The following PSTPIP1 variants were observed in gnomAD, a reference collection of about 807,000 sequenced individuals.
The protein encoded by PSTPIP1 is proline-serine-threonine phosphatase interacting protein 1.
In PSTPIP1, 66 loss-of-function variants were observed where a neutral mutation model predicts 69.6. The observed-to-expected ratio is 0.95, with a 90% CI of 0.78 to 1.16. PSTPIP1 has a LOEUF of 1.16. PSTPIP1 is among the 50% of genes most tolerant of loss of function. The probability of loss-of-function intolerance (pLI) is 0.00; values close to 1 mark genes in which losing one functional copy is unlikely to be tolerated. For synonymous variants in PSTPIP1, 266 were observed against 222.7 expected (o/e 1.19, Z -1.73); for missense variants, 603 against 557.4 (o/e 1.08, Z -0.82).
intron 8 of PSTPIP1, 52 bp from the exon 9 acceptor site, chr15:77,030,450 G>A (rs975691010): frequency 6.4e-7 from 1 of 1,571,672 alleles, no homozygotes; most frequent in African/African-American, 1.3e-5. Flanking sequence ...CTGGAGTACA[G>A]GGGTGGAGGA....
chr15:77,018,122 A>T (rs1389194240), intron 1 of PSTPIP1, 26 bp from the exon 2 acceptor site: 1 of 1,558,176 alleles, frequency 6.4e-7, no homozygotes, highest in Non-Finnish European at 8.7e-7. Flanking sequence ...CGTGGCCCTC[A>T]TGTGTCCTTC....
chr15:77,025,566 G>T lies in PSTPIP1; in HGVS notation c.316G>T (p.Glu106Ter). ...CCTGCGTGAGGAGCTGCGGAGTCTC[G>T]AGGAGTTTCGTGAGAGGCAGAAGGA... Reference protein sequence around the residue: ...LTLREELRSLEEFRERQKEQR... With the variant: ...LTLREELRSL Residue 106 changes from glutamate (E) to a stop codon, truncating the protein, a stop_gained, in exon 5 of 15, where the codon GAG becomes TAG. Coordinates refer to ENST00000558012, the MANE Select transcript of PSTPIP1 (RefSeq NM_003978.5). LOFTEE classifies it high-confidence loss of function. 6.4e-7 allele frequency: 1 copy of T among 1,552,926 alleles called. No homozygotes were observed. The highest frequency in any genetic ancestry group is 8.7e-7 in the Non-Finnish European group (1 of 1,147,640).
At chr15:77,028,441 C>T in intron 6 of PSTPIP1, 113 bp from the exon 7 acceptor site, 1 of 875,798 alleles carries the variant, frequency 1.1e-6, no homozygotes, top group Non-Finnish European at 1.7e-6. Context: ...TGCCCCCACT[C>T]CACCCGCAAC....
chr15:77,014,502 G>A (rs1018252975), intron 1 of PSTPIP1, among the ~76,000 whole-genome samples: 1 of 152,226 alleles, frequency 6.6e-6, no homozygotes, highest in Admixed American at 6.5e-5. Context: ...GTGCCCTAGA[G>A]GGGCGGGCTG....
At chr15:77,035,096 G>A (rs1055735658) in intron 12 of PSTPIP1, among the ~76,000 whole-genome samples, 8 of 152,228 alleles carry the variant, frequency 5.3e-5, no homozygotes, top group African/African-American at 1.4e-4. Flanking sequence ...AAGCTGCTAG[G>A]GCAAGCTAGA....
At chr15:76,996,710 G>C (rs1292464053) in intron 1 of PSTPIP1, among the ~76,000 whole-genome samples, 1 of 152,234 alleles carries the variant, frequency 6.6e-6, no homozygotes, top group Non-Finnish European at 1.5e-5. Flanking sequence ...ACCCCACGTG[G>C]GGAGGGCACC....
At chr15:77,012,564 T>A (rs2075967784) in intron 1 of PSTPIP1, among the ~76,000 whole-genome samples, 1 of 152,070 alleles carries the variant, frequency 6.6e-6, no homozygotes. Flanking sequence ...TGTACCTGAG[T>A]GTTTGGTCCT....
Position 77,035,916 on chromosome 15 carries a change from T to G in PSTPIP1, c.1100T>G (p.Leu367Arg). 1 of 1,606,956 alleles carries G rather than the reference T, an allele frequency of 6.2e-7. No individual in the cohort carries two copies. The highest frequency in any genetic ancestry group is 8.5e-7 in the Non-Finnish European group (1 of 1,178,260). ...TCACCAGCCCAGGAGTACCGGGCGCTCTACGATTATACAGCGCAGGTGAGG... is the reference window on the plus strand; with the variant it reads ...TCACCAGCCCAGGAGTACCGGGCGCGCTACGATTATACAGCGCAGGTGAGG... ...PASPAQEYRA[L>R]YDYTAQNPDE... is the part of the protein sequence containing the mutation. Residue 367 changes from leucine (L) to arginine (R), a missense_variant, in exon 14 of 15, where the codon CTC becomes CGC. Transcript: ENST00000558012.
chr15:77,027,561 G>C lies in PSTPIP1; in HGVS notation c.355-291G>C, dbSNP rs1008521791. Among the ~76,000 whole-genome samples the C allele has an allele frequency of 2.0e-5, 3 of 152,182 alleles. No individual in the cohort carries two copies. The highest frequency in any genetic ancestry group is 7.2e-5 in the African/African-American group (3 of 41,438). On this transcript the variant is annotated intron_variant, in intron 5 of 14. Transcript: ENST00000558012. This position sits in a 1 kb window ranked among gnomAD's most constrained non-coding sequence, Gnocchi z 4.3. ...AGAGGCTCAGGGATGCAGGATGAAC[G>C]ACTGTGTGCGCACGTGTGTTGGGGT...
intron 1 of PSTPIP1, among the ~76,000 whole-genome samples, chr15:77,003,885 G>A (rs898366520): frequency 5.9e-5 from 9 of 152,272 alleles, no homozygotes; most frequent in South Asian, 2.1e-4. Flanking sequence ...TAGCAGACCA[G>A]GAACAGTTCC....
chr15:77,031,235 T>C lies in PSTPIP1; in HGVS notation c.698T>C (p.Val233Ala). ...ACCATTCTCCGCAACGCCCTGTGGG[T>C]GCACAGCAACCAGCTCTCCATGCAG... ...RLTILRNALW[V>A]HSNQLSMQCV... The change falls in exon 10 of 15, where the codon GTG (valine) becomes GCG (alanine). Residue 233 changes from valine (V) to alanine (A), a missense_variant. By Grantham distance (64) the Val-to-Ala change is moderately conservative. Transcript: ENST00000558012. 6.2e-7 allele frequency: 1 copy of C among 1,613,070 alleles called. No individual in the cohort carries two copies. The highest frequency in any genetic ancestry group is 8.5e-7 in the Non-Finnish European group (1 of 1,179,670).
intron 14 of PSTPIP1, among the ~76,000 whole-genome samples, chr15:77,036,785 G>A (rs550750763): frequency 1.3e-5 from 2 of 152,178 alleles, no homozygotes; most frequent in African/African-American, 4.8e-5. Context: ...ACATGCTCCA[G>A]TCACTGCGTC....
At position 77,027,172 on chromosome 15, in the gene PSTPIP1, C is replaced by T. The variant is rs2076299117; in HGVS notation, c.355-680C>T. ...TGGTCTCCCAGCTGGCACAGAACCCCTCCCCTGAGACCCCAGGCACAAACT... is the reference window on the plus strand; with the variant it reads ...TGGTCTCCCAGCTGGCACAGAACCCTTCCCCTGAGACCCCAGGCACAAACT... On this transcript the variant is annotated intron_variant, in intron 5 of 14. Transcript: ENST00000558012. This position sits in a 1 kb window ranked among gnomAD's most constrained non-coding sequence, Gnocchi z 4.3. 1.3e-5 allele frequency among the ~76,000 whole-genome samples: 2 copies of T among 152,236 alleles called. No individual in the cohort carries two copies. Among genetic ancestry groups the T allele is most frequent in the Non-Finnish European group, 2.9e-5 (2 of 68,036 alleles).
intron 1 of PSTPIP1, among the ~76,000 whole-genome samples, chr15:77,011,848 A>G (rs1225387500): frequency 6.6e-6 from 1 of 151,872 alleles, no homozygotes; most frequent in African/African-American, 2.4e-5. Flanking sequence ...TTCCATACCT[A>G]CAGCCATTCA....
chr15:77,019,613 G>A (rs1040305249), intron 3 of PSTPIP1, among the ~76,000 whole-genome samples: 3 of 152,182 alleles, frequency 2.0e-5, no homozygotes, highest in Non-Finnish European at 1.5e-5. Context: ...CTCTGGTCCC[G>A]GCTCGGCCAA....
At position 77,016,482 on chromosome 15, in the gene PSTPIP1, G is replaced by A. The variant is rs190309944; in HGVS notation, c.37-1666G>A. On this transcript the variant is annotated intron_variant, in intron 1 of 14. Coordinates refer to ENST00000558012, the MANE Select transcript of PSTPIP1 (RefSeq NM_003978.5). ...CAAGCTAACCCAGTGATGTCAACCT[G>A]GACATGGGGGTGGGCGCCTGCCTCT... Among the ~76,000 whole-genome samples the A allele has an allele frequency of 1.6e-3, 246 of 152,326 alleles. 1 individual carries two copies. Among genetic ancestry groups the A allele is most frequent in the African/African-American group, 5.6e-3 (234 of 41,568 alleles).
At chr15:76,996,597 A>G (rs1312120342) in intron 1 of PSTPIP1, among the ~76,000 whole-genome samples, 1 of 152,186 alleles carries the variant, frequency 6.6e-6, no homozygotes, top group African/African-American at 2.4e-5. Context: ...GATGAGAGCT[A>G]TGGAGCCAGG....
At chr15:76,997,526 C>A (rs2075607663) in intron 1 of PSTPIP1, among the ~76,000 whole-genome samples, 1 of 152,248 alleles carries the variant, frequency 6.6e-6, no homozygotes, top group African/African-American at 2.4e-5. Context: ...CCTTCAAACA[C>A]ATGCTACTGT....
intron 8 of PSTPIP1, 147 bp downstream of exon 8, chr15:77,029,721 A>G (rs2076371396): frequency 1.3e-5 from 13 of 996,326 alleles, no homozygotes; most frequent in Non-Finnish European, 1.9e-5. Context: ...GTGCCGTCAA[A>G]GTAAACGCTG....
Sources: allele counts gnomAD v4.1 joint callset (sites outside exome capture counted in the v4.1 genomes callset), GRCh38; gene constraint gnomAD v4.1.1; non-coding constraint Gnocchi (gnomAD v3.1); transcripts MANE v1.5; gene names NCBI Gene and HGNC (gene_info 2026-07-23, HGNC 2026-07-21).